ATP8A2: variants seen among roughly 807,000 people sequenced by gnomAD.
ATP8A2 encodes the protein ATPase phospholipid transporting 8A2, also known as phospholipid-transporting ATPase IB.
ATP8A2 carries 100 observed loss-of-function variants against 165.6 expected under a neutral mutation model. The ratio of observed to expected loss-of-function variants is 0.60; its 90% CI spans 0.51 to 0.71. The LOEUF (loss-of-function observed/expected upper bound fraction) is 0.71, where lower values mean the gene tolerates loss of function less well. ATP8A2 is among the 30% of genes least tolerant of loss of function. The pLI, the probability that ATP8A2 is intolerant of heterozygous loss-of-function variation, is 0.00. For synonymous variants in ATP8A2, 543 were observed against 548.8 expected, an observed-to-expected ratio of 0.99 and a Z score of 0.15; for missense variants, 1,227 against 1,479.5, an observed-to-expected ratio of 0.83 and a Z score of 2.80.
At chr13:25,602,653 G>A (rs1398650607) in intron 24 of ATP8A2, among the ~76,000 whole-genome samples, 2 of 152,360 alleles carry the variant, frequency 1.3e-5, no homozygotes, top group East Asian at 1.9e-4. Flanking sequence ...AGGGGAGAGT[G>A]AAGAGGGAGC....
intron 24 of ATP8A2, among the ~76,000 whole-genome samples, chr13:25,640,288 C>A (rs1478554156): frequency 2.0e-5 from 3 of 151,882 alleles, no homozygotes; most frequent in African/African-American, 4.8e-5. Flanking sequence ...ACACAAAAAA[C>A]CCCTCAAAAA....
At chr13:25,717,539 G>A (rs890251793) in intron 25 of ATP8A2, among the ~76,000 whole-genome samples, 13 of 152,042 alleles carry the variant, frequency 8.6e-5, no homozygotes, top group Non-Finnish European at 1.9e-4. Flanking sequence ...AACTGGGTAA[G>A]TGGTGGTGCC....
chr13:26,016,115 C>T (rs1180338287), intron 36 of ATP8A2, among the ~76,000 whole-genome samples: 1 of 152,108 alleles, frequency 6.6e-6, no homozygotes, highest in Non-Finnish European at 1.5e-5. Flanking sequence ...GGGAGGACTC[C>T]CTCTCCCAAG....
rs550772125 is a variant in ATP8A2, at chr13:25,851,319, C to A, written c.2957-8876C>A. Reference sequence around the variant, plus strand: ...ATTGTCAGCCGGATGCCGTGGCTCACGCCTGTAATCCCAGCACTTTGGGAG... The same window carrying A: ...ATTGTCAGCCGGATGCCGTGGCTCAAGCCTGTAATCCCAGCACTTTGGGAG... On this transcript the variant is annotated intron_variant, in intron 30 of 36. Transcript: ENST00000381655. Among the ~76,000 whole-genome samples the A allele has an allele frequency of 4.6e-5, 7 of 152,298 alleles. No homozygotes were observed. In the South Asian group the frequency reaches 1.4e-3, roughly 32 times the overall value.
chr13:25,728,321 T>C (rs2043539498), intron 25 of ATP8A2, among the ~76,000 whole-genome samples: 1 of 151,942 alleles, frequency 6.6e-6, no homozygotes, highest in Non-Finnish European at 1.5e-5. Context: ...GAATCAGGAG[T>C]TTTCTCATGG....
At chr13:25,602,633 G>A (rs957992535) in intron 24 of ATP8A2, among the ~76,000 whole-genome samples, 15 of 152,230 alleles carry the variant, frequency 9.9e-5, no homozygotes, top group East Asian at 9.6e-4. Context: ...TTTGAGCAGT[G>A]TGTGGCTGGA....
rs74406757 is a variant in ATP8A2, at chr13:25,749,441, C to T, written c.2385-19605C>T. Among the ~76,000 whole-genome samples, 658 of 152,096 alleles carry T rather than the reference C, an allele frequency of 4.3e-3. 4 individuals are homozygous for T. The highest frequency in any genetic ancestry group is 0.015 in the African/African-American group (617 of 41,474). ...AAGTTAGCCGAGGGGAGTCCAGATG[C>T]GAGGGAGTTTGCGGTGCAGGTTTTG... On this transcript the variant is annotated intron_variant, in intron 25 of 36. Coordinates refer to ENST00000381655, the MANE Select transcript of ATP8A2 (RefSeq NM_016529.6).
chr13:25,980,493 G>C (rs1388450817), intron 35 of ATP8A2, among the ~76,000 whole-genome samples: 1 of 152,134 alleles, frequency 6.6e-6, no homozygotes, highest in East Asian at 1.9e-4. Flanking sequence ...CAGTGCCTGG[G>C]AAATGCATGA....
chr13:25,892,525 A>T (rs566466350), intron 33 of ATP8A2, among the ~76,000 whole-genome samples: 3 of 129,774 alleles, frequency 2.3e-5, no homozygotes, highest in Non-Finnish European at 4.5e-5. Context: ...TGTTATGCAG[A>T]TGTACTGGGA....
intron 1 of ATP8A2, among the ~76,000 whole-genome samples, chr13:25,461,001 G>C (rs981007459): frequency 6.6e-6 from 1 of 152,140 alleles, no homozygotes; most frequent in African/African-American, 2.4e-5. Flanking sequence ...TTCTATCCAG[G>C]AGGTGCTCAA....
intron 24 of ATP8A2, among the ~76,000 whole-genome samples, chr13:25,656,728 G>A (rs1026336009): frequency 6.8e-6 from 1 of 146,654 alleles, no homozygotes; most frequent in African/African-American, 2.5e-5. Context: ...GCAACAGAGT[G>A]AGACTCTGTC....
intron 1 of ATP8A2, among the ~76,000 whole-genome samples, chr13:25,410,293 T>C (rs1258292330): frequency 6.6e-6 from 1 of 152,148 alleles, no homozygotes; most frequent in African/African-American, 2.4e-5. Context: ...CTTCGTCAAA[T>C]GCTATTTGTT....
chr13:25,518,754 G>A (rs1167951174), intron 2 of ATP8A2, among the ~76,000 whole-genome samples: 1 of 152,148 alleles, frequency 6.6e-6, no homozygotes, highest in Non-Finnish European at 1.5e-5. Context: ...GTGAGGATCA[G>A]GTAGACCCAG....
intron 33 of ATP8A2, among the ~76,000 whole-genome samples, chr13:25,938,829 A>T (rs1440404940): frequency 6.6e-6 from 1 of 150,666 alleles, no homozygotes; most frequent in Non-Finnish European, 1.5e-5. Context: ...TTGGATTTCC[A>T]TCATCCCTTC....
chr13:25,912,929 T>A (rs969836537), intron 33 of ATP8A2, among the ~76,000 whole-genome samples: 1 of 152,232 alleles, frequency 6.6e-6, no homozygotes, highest in African/African-American at 2.4e-5. Flanking sequence ...GTTGGTCAAC[T>A]GAGTAGCCTT....
chr13:25,777,962 A>G (rs2044779511), intron 27 of ATP8A2, among the ~76,000 whole-genome samples: 2 of 152,236 alleles, frequency 1.3e-5, no homozygotes, highest in South Asian at 4.1e-4. Context: ...GGAGATATTT[A>G]TGTATACAAA....
chr13:25,417,992 G>C (rs1054912144), intron 1 of ATP8A2, among the ~76,000 whole-genome samples: 1 of 152,288 alleles, frequency 6.6e-6, no homozygotes, highest in Non-Finnish European at 1.5e-5. Context: ...TGCTAATGCT[G>C]TAAGCTTCAG....
At chr13:25,622,274 T>C (rs2040989792) in intron 24 of ATP8A2, among the ~76,000 whole-genome samples, 1 of 151,450 alleles carries the variant, frequency 6.6e-6, no homozygotes, top group Admixed American at 6.6e-5. Context: ...TCAATAGAGC[T>C]AAGCAGATTT....
intron 25 of ATP8A2, among the ~76,000 whole-genome samples, chr13:25,731,275 A>G (rs2043628356): frequency 6.6e-6 from 1 of 150,970 alleles, no homozygotes; most frequent in African/African-American, 2.4e-5. Flanking sequence ...CGGGAGGAAG[A>G]AAAAGAAAGA....
Sources: gnomAD v4.1 joint callset for allele counts (sites outside exome capture counted in the v4.1 genomes callset) on GRCh38, gnomAD v4.1.1 for gene constraint, MANE v1.5 for transcripts, NCBI Gene and HGNC (gene_info 2026-07-23, HGNC 2026-07-21) for gene names.